The following CACNG7 variants were observed in gnomAD, a reference collection of about 807,000 sequenced individuals.
The protein encoded by CACNG7 is calcium voltage-gated channel auxiliary subunit gamma 7.
CACNG7 carries 9 observed loss-of-function variants against 26.3 expected under a neutral mutation model. The ratio of observed to expected loss-of-function variants is 0.34; its 90% CI spans 0.21 to 0.60. The LOEUF is 0.60. CACNG7 is among the 20% of genes least tolerant of loss of function. The probability of loss-of-function intolerance (pLI) is 0.81; values close to 1 mark genes in which losing one functional copy is unlikely to be tolerated. For synonymous variants in CACNG7, 170 were observed against 157.0 expected (o/e 1.08, Z -0.62); for missense variants, 297 against 380.4 (o/e 0.78, Z 1.82).
intron 4 of CACNG7, among the ~76,000 whole-genome samples, chr19:53,929,496 G>A (rs1050738979): frequency 3.3e-5 from 5 of 151,748 alleles, no homozygotes; most frequent in African/African-American, 9.7e-5. Context: ...TCGCTCTGTC[G>A]CCCAGGCTGG....
chr19:53,910,845 TGAA>T (rs2068857646), intron 1 of CACNG7, among the ~76,000 whole-genome samples: 1 of 152,100 alleles, frequency 6.6e-6, no homozygotes, highest in Non-Finnish European at 1.5e-5. Context: ...TGCTGGATGT[TGAA>T]GAAGATCTGT....
In CACNG7 at chr19:53,941,625, G is replaced by A. The variant is rs367730313; in HGVS notation, c.570+10G>A. 541 of 1,610,572 alleles carry A rather than the reference G, an allele frequency of 3.4e-4. 1 individual carries two copies. Among genetic ancestry groups the A allele is most frequent in the Non-Finnish European group, 4.3e-4 (512 of 1,178,678 alleles). On this transcript the variant is annotated intron_variant, in intron 5 of 5. Coordinates refer to ENST00000391767, the MANE Select transcript of CACNG7 (RefSeq NM_031896.5). Reference sequence around the variant, plus strand: ...CTTCCTACTCAAAGAGGTGACGTCCGTGGGACCTAGACTCTAGAGTTCTGA... The same window carrying A: ...CTTCCTACTCAAAGAGGTGACGTCCATGGGACCTAGACTCTAGAGTTCTGA...
At position 53,909,324 on chromosome 19, in the gene CACNG7, C is replaced by G. The variant is rs1599959441; in HGVS notation, c.-223C>G. ...GGTTCCTGCTCCCGGCTCCGTCCGC[C>G]GAGTGAGGCCGCGGCCGCGGGGGGT... On this transcript the variant is annotated 5_prime_UTR_variant, in exon 1 of 6. Coordinates refer to ENST00000391767, the MANE Select transcript of CACNG7 (RefSeq NM_031896.5). This position sits in a 1 kb window ranked among gnomAD's most constrained non-coding sequence, Gnocchi z 5.1. 6.7e-6 allele frequency: 1 copy of G among 148,452 alleles called. No individual in the cohort carries two copies. Among genetic ancestry groups the G allele is most frequent in the Non-Finnish European group, 1.5e-5 (1 of 66,322 alleles). 9.2% of individuals were successfully genotyped at this position (148,452 alleles called of 1,614,324 possible). A position where few individuals can be genotyped will look rare whatever the true frequency, so the allele number is the denominator to read the frequency against.
intron 4 of CACNG7, among the ~76,000 whole-genome samples, chr19:53,929,958 C>T (rs2069060012): frequency 6.6e-6 from 1 of 150,924 alleles, no homozygotes; most frequent in Admixed American, 6.6e-5. Context: ...TAATAAAAAA[C>T]AAGGTGGACT....
rs1276963361 is a variant in CACNG7, at chr19:53,909,321, C to A, written c.-226C>A. On this transcript the variant is annotated 5_prime_UTR_variant, in exon 1 of 6. Coordinates refer to ENST00000391767, the MANE Select transcript of CACNG7 (RefSeq NM_031896.5). The surrounding 1 kb of genome is among the most constrained non-coding windows in gnomAD (Gnocchi z 5.1). The stretch of plus-strand genomic sequence containing the variant: ...GCCGGTTCCTGCTCCCGGCTCCGTC[C>A]GCCGAGTGAGGCCGCGGCCGCGGGG... 6.7e-6 allele frequency: 1 copy of A among 149,754 alleles called. No individual in the cohort carries two copies. The highest frequency in any genetic ancestry group is 2.0e-4 in the South Asian group (1 of 4,892). The allele number at this position is 149,754 out of a possible 1,614,324, so 9.3% of individuals were successfully genotyped here.
At chr19:53,921,512 T>TATTGGTGGAGTTGCCCCAGGTCTGGTC (rs1568774400) in intron 4 of CACNG7, among the ~76,000 whole-genome samples, 36 of 116,728 alleles carry the variant, frequency 3.1e-4, no homozygotes, top group Non-Finnish European at 5.5e-4. Flanking sequence ...CCAGGTCTGG[T>TATTGGTGGAGTTGCCCCAGGTCTGGTC]ATTGGTGGAG....
chr19:53,928,166 A>G (rs543871092), intron 4 of CACNG7, among the ~76,000 whole-genome samples: 16 of 152,356 alleles, frequency 1.1e-4, no homozygotes, highest in African/African-American at 3.4e-4. Flanking sequence ...AGAATGACTT[A>G]CTACAAAGAA....
chr19:53,910,352 T>C (rs2068854775), intron 1 of CACNG7, among the ~76,000 whole-genome samples: 1 of 106,228 alleles, frequency 9.4e-6, no homozygotes, highest in African/African-American at 3.7e-5. Context: ...CTCGGAGGCC[T>C]CCAAGAGGTT....
chr19:53,925,504 C>T (rs74637135), intron 4 of CACNG7, among the ~76,000 whole-genome samples: 24 of 105,178 alleles, frequency 2.3e-4, no homozygotes, highest in African/African-American at 1.2e-3. Context: ...GGTGGACTTG[C>T]CCCAGGCTGG....
intron 4 of CACNG7, among the ~76,000 whole-genome samples, chr19:53,918,923 T>A (rs1210622499): frequency 1.3e-5 from 2 of 152,132 alleles, no homozygotes; most frequent in African/African-American, 4.8e-5. Flanking sequence ...CATGTGCCAG[T>A]GCACCCGGCT....
chr19:53,921,335 C>G (rs868348415), intron 4 of CACNG7, among the ~76,000 whole-genome samples: 65 of 111,028 alleles, frequency 5.9e-4, no homozygotes, highest in African/African-American at 1.9e-3. Flanking sequence ...CATTGGTGGA[C>G]TTGCCCCAGG....
chr19:53,926,083 A>G (rs2069028938), intron 4 of CACNG7, among the ~76,000 whole-genome samples: 1 of 152,206 alleles, frequency 6.6e-6, no homozygotes. Flanking sequence ...CACAGAAAAC[A>G]CAATTAAATC....
Position 53,942,676 on chromosome 19 carries a change from C to T in CACNG7, c.*383C>T. Reference sequence around the variant, plus strand: ...TCCCCAGAGCTCCCCAACCTCGGACCTCACCGCAGGGGCGCTGGGCTGGAG... The same window carrying T: ...TCCCCAGAGCTCCCCAACCTCGGACTTCACCGCAGGGGCGCTGGGCTGGAG... On this transcript the variant is annotated 3_prime_UTR_variant, in exon 6 of 6. Transcript: ENST00000391767. The surrounding 1 kb of genome is among the most constrained non-coding windows in gnomAD (Gnocchi z 5.9). 1 of 762,520 alleles carries T rather than the reference C, an allele frequency of 1.3e-6. No homozygotes were observed. Among genetic ancestry groups the T allele is most frequent in the Non-Finnish European group, 1.7e-6 (1 of 598,496 alleles). The allele number at this position is 762,520 out of a possible 1,614,324, so 47.2% of individuals were successfully genotyped here. A position where few individuals can be genotyped will look rare whatever the true frequency, so the allele number is the denominator to read the frequency against.
chr19:53,913,610 A>G (rs1442708042), intron 2 of CACNG7, among the ~76,000 whole-genome samples: 4 of 151,868 alleles, frequency 2.6e-5, no homozygotes, highest in African/African-American at 7.3e-5. Flanking sequence ...CCTAGGAGAC[A>G]GAGTGAGACT....
chr19:53,934,319 T>G (rs1174646975), intron 4 of CACNG7, among the ~76,000 whole-genome samples: 1 of 152,222 alleles, frequency 6.6e-6, no homozygotes, highest in Non-Finnish European at 1.5e-5. Flanking sequence ...TAAACATCAT[T>G]GGCAAGAAAA....
intron 4 of CACNG7, among the ~76,000 whole-genome samples, chr19:53,928,312 C>A (rs1433417763): frequency 6.6e-6 from 1 of 152,044 alleles, no homozygotes; most frequent in Non-Finnish European, 1.5e-5. Context: ...TGCTCTGTTG[C>A]CCAGGCTGGA....
At chr19:53,926,577 C>T (rs1248119429) in intron 4 of CACNG7, among the ~76,000 whole-genome samples, 1 of 151,994 alleles carries the variant, frequency 6.6e-6, no homozygotes, top group Non-Finnish European at 1.5e-5. Flanking sequence ...ACTGTTGTGC[C>T]ATTTGTTTTT....
At chr19:53,934,230 A>G (rs2069091334) in intron 4 of CACNG7, among the ~76,000 whole-genome samples, 1 of 152,202 alleles carries the variant, frequency 6.6e-6, no homozygotes, top group Admixed American at 6.5e-5. Flanking sequence ...TCATGGTAAC[A>G]CTTCATTTGT....
At chr19:53,920,997 G>C (rs1300526851) in intron 4 of CACNG7, among the ~76,000 whole-genome samples, 2 of 84,532 alleles carry the variant, frequency 2.4e-5, no homozygotes, top group Non-Finnish European at 4.4e-5. Context: ...AGTTGCCCCA[G>C]GCTGGTCATT....
Sources: allele counts gnomAD v4.1 joint callset (sites outside exome capture counted in the v4.1 genomes callset), GRCh38; gene constraint gnomAD v4.1.1; non-coding constraint Gnocchi (gnomAD v3.1); transcripts MANE v1.5; gene names NCBI Gene and HGNC (gene_info 2026-07-23, HGNC 2026-07-21).